FNDC3A: variants seen among roughly 807,000 people sequenced by gnomAD.
The protein encoded by FNDC3A is fibronectin type-III domain-containing protein 3A.
Under a neutral mutation model 148.9 loss-of-function variants are expected in FNDC3A, and 32 were observed. The observed-to-expected ratio is 0.21, with a 90% CI of 0.16 to 0.29. The LOEUF (loss-of-function observed/expected upper bound fraction) is 0.29, where lower values mean the gene tolerates loss of function less well. Among genes scored for constraint, FNDC3A ranks in the 10% least tolerant of loss-of-function variants. The pLI, the probability that FNDC3A is intolerant of heterozygous loss-of-function variation, is 1.00. For missense variants in FNDC3A, 1,191 were observed against 1,452.8 expected (o/e 0.82, Z 2.93); for synonymous variants, 472 against 473.6 (o/e 1.00, Z 0.04).
intron 2 of FNDC3A, among the ~76,000 whole-genome samples, chr13:49,016,604 A>T (rs1292750337): frequency 1.3e-5 from 2 of 151,814 alleles, no homozygotes; most frequent in African/African-American, 2.4e-5. Context: ...TATTTCCTTC[A>T]GTTCTGCTCT....
intron 4 of FNDC3A, among the ~76,000 whole-genome samples, chr13:49,115,019 G>A (rs947079268): frequency 6.6e-6 from 1 of 151,978 alleles, no homozygotes; most frequent in Non-Finnish European, 1.5e-5. Context: ...TAATATTTTA[G>A]GTTGTAAAGG....
At chr13:49,049,619 A>G (rs1366842630) in intron 2 of FNDC3A, among the ~76,000 whole-genome samples, 1 of 152,142 alleles carries the variant, frequency 6.6e-6, no homozygotes. Flanking sequence ...AGTAGCCTTG[A>G]ATAATCTTTT....
intron 1 of FNDC3A, among the ~76,000 whole-genome samples, chr13:48,996,918 C>G (rs1952033999): frequency 6.6e-6 from 1 of 152,068 alleles, no homozygotes; most frequent in Admixed American, 6.5e-5. Context: ...AAAAAATTAG[C>G]TGGGCATGGT....
intron 4 of FNDC3A, among the ~76,000 whole-genome samples, chr13:49,125,137 T>C (rs1052126558): frequency 3.3e-5 from 5 of 152,208 alleles, no homozygotes; most frequent in African/African-American, 1.2e-4. Context: ...CTGTGCTTGC[T>C]GTTTCATTTT....
At chr13:49,156,344 T>C (rs372144683) in intron 8 of FNDC3A, among the ~76,000 whole-genome samples, 5 of 149,690 alleles carry the variant, frequency 3.3e-5, no homozygotes, top group South Asian at 2.2e-4. Flanking sequence ...GATTGCAACC[T>C]CTGCCTTTTT....
intron 3 of FNDC3A, among the ~76,000 whole-genome samples, chr13:49,097,219 G>C (rs993911505): frequency 6.6e-6 from 1 of 151,620 alleles, no homozygotes; most frequent in African/African-American, 2.4e-5. Flanking sequence ...AAGAAACTAG[G>C]ATGATTTACA....
intron 2 of FNDC3A, among the ~76,000 whole-genome samples, chr13:49,073,024 A>C (rs1432477835): frequency 6.6e-6 from 1 of 152,168 alleles, no homozygotes; most frequent in Non-Finnish European, 1.5e-5. Context: ...TTTCACACTT[A>C]CAGCGCATAT....
intron 14 of FNDC3A, among the ~76,000 whole-genome samples, chr13:49,179,967 C>T (rs1372823474): frequency 1.3e-5 from 2 of 152,168 alleles, no homozygotes; most frequent in African/African-American, 4.8e-5. Flanking sequence ...TCCCAATGGA[C>T]ACAGCTAGGA....
intron 3 of FNDC3A, among the ~76,000 whole-genome samples, chr13:49,100,865 C>A (rs559394336): frequency 1.3e-5 from 2 of 152,156 alleles, no homozygotes; most frequent in Non-Finnish European, 2.9e-5. Flanking sequence ...ACCCTCACCC[C>A]TCAAATCAAT....
intron 1 of FNDC3A, among the ~76,000 whole-genome samples, chr13:49,003,565 TTTTG>T (rs1054774940): frequency 2.0e-5 from 3 of 152,200 alleles, no homozygotes; most frequent in Non-Finnish European, 4.4e-5. Flanking sequence ...CAGTATATTT[TTTTG>T]TTTATGTTTT....
chr13:49,105,925 C>T (rs1013359320), intron 3 of FNDC3A, among the ~76,000 whole-genome samples: 2 of 152,186 alleles, frequency 1.3e-5, no homozygotes, highest in African/African-American at 4.8e-5. Context: ...TAAAATCCAG[C>T]AATGGCTCTT....
chr13:49,144,007 A>G (rs562860575), intron 7 of FNDC3A, among the ~76,000 whole-genome samples: 1 of 149,792 alleles, frequency 6.7e-6, no homozygotes, highest in East Asian at 2.0e-4. Context: ...TACTACTACT[A>G]CTACTGCTAC....
chr13:49,170,303 G>A (rs1884689230), intron 10 of FNDC3A, among the ~76,000 whole-genome samples: 1 of 152,110 alleles, frequency 6.6e-6, no homozygotes, highest in Non-Finnish European at 1.5e-5. Context: ...AACATAATGA[G>A]CGTAATAACT....
intron 4 of FNDC3A, among the ~76,000 whole-genome samples, chr13:49,128,068 G>A (rs766221329): frequency 6.6e-6 from 1 of 152,138 alleles, no homozygotes; most frequent in African/African-American, 2.4e-5. Flanking sequence ...TTTTAGTAGA[G>A]ATGTAATTTC....
chr13:49,027,433 A>T (rs1873798669), intron 2 of FNDC3A, among the ~76,000 whole-genome samples: 1 of 152,348 alleles, frequency 6.6e-6, no homozygotes, highest in Middle Eastern at 3.4e-3. Flanking sequence ...CAGTAAACAT[A>T]ACCAGGTAAA....
rs1382488436 is a variant in FNDC3A, at chr13:49,006,107, T to C, written c.-39-45T>C. 4.4e-6 allele frequency: 3 copies of C among 688,570 alleles called. No homozygotes were observed. In the Admixed American group the frequency reaches 7.4e-5, roughly 17 times the overall value. 42.7% of individuals were successfully genotyped at this position (688,570 alleles called of 1,614,324 possible). On this transcript the variant is annotated intron_variant, in intron 1 of 25. Transcript: ENST00000492622. ...CTTGAATGTACAATGTTTTACTGTA[T>C]TTTAAGGATATACTTACAAATGACT...
At chr13:49,034,686 AACTT>A (rs1424662445) in intron 2 of FNDC3A, among the ~76,000 whole-genome samples, 3 of 152,182 alleles carry the variant, frequency 2.0e-5, no homozygotes, top group Admixed American at 1.3e-4. Context: ...TTTAAGATAA[AACTT>A]ACTTCATAAA....
chr13:48,991,410 G>A (rs1001422132), intron 1 of FNDC3A, among the ~76,000 whole-genome samples: 2 of 152,128 alleles, frequency 1.3e-5, no homozygotes, highest in African/African-American at 4.8e-5. Context: ...AACTGGCCTG[G>A]GGGCAGTGGC....
chr13:49,102,352 ATCTT>A (rs1879915980), intron 3 of FNDC3A, among the ~76,000 whole-genome samples: 1 of 152,272 alleles, frequency 6.6e-6, no homozygotes, highest in African/African-American at 2.4e-5. Flanking sequence ...ACAGTTTAGG[ATCTT>A]TCTTCACAAT....
Sources: allele counts gnomAD v4.1 joint callset (sites outside exome capture counted in the v4.1 genomes callset), GRCh38; gene constraint gnomAD v4.1.1; transcripts MANE v1.5; gene names NCBI Gene and HGNC (gene_info 2026-07-23, HGNC 2026-07-21).